The following PAM variants were observed in gnomAD, a reference collection of about 807,000 sequenced individuals.
PAM encodes peptidylglycine alpha-amidating monooxygenase, also known as peptidyl-glycine alpha-amidating monooxygenase.
PAM carries 72 observed loss-of-function variants against 122.1 expected under a neutral mutation model. The ratio of observed to expected loss-of-function variants is 0.59; its 90% CI spans 0.49 to 0.72. PAM has a LOEUF of 0.72. Ranked by LOEUF, PAM falls within the 30% of genes least tolerant of loss-of-function variation. The probability of loss-of-function intolerance (pLI) is 0.00; values close to 1 mark genes in which losing one functional copy is unlikely to be tolerated. For missense variants in PAM, 1,106 were observed against 1,183.7 expected (o/e 0.93, Z 0.96); for synonymous variants, 389 against 404.4 (o/e 0.96, Z 0.46).
intron 7 of PAM, among the ~76,000 whole-genome samples, chr5:102,945,442 C>A (rs1046594641): frequency 5.4e-5 from 8 of 148,272 alleles, no homozygotes; most frequent in African/African-American, 1.9e-4. Context: ...ATCTATAGTT[C>A]ATATAGCTTA....
intron 14 of PAM, 129 bp downstream of exon 14, chr5:102,961,358 T>G: frequency 1.7e-6 from 1 of 571,920 alleles, no homozygotes; most frequent in Non-Finnish European, 3.2e-6. Flanking sequence ...ATTGCTATTT[T>G]TATACAATGC....
At chr5:102,948,507 A>G (rs1464581672) in intron 9 of PAM, 62 bp downstream of exon 9, 2 of 781,738 alleles carry the variant, frequency 2.6e-6, no homozygotes, top group African/African-American at 1.8e-5. Context: ...AAATGGATTT[A>G]TACTGTATTT....
Position 102,821,703 on chromosome 5 carries a change from A to G in PAM, c.-373-44120A>G, listed in dbSNP as rs75781034. On this transcript the variant is annotated intron_variant, in intron 1 of 25. Transcript: ENST00000438793. ...CTGTTATAATTACCTTATTTTGCAA[A>G]TGAAGAAACTGCCTAAAATGACCCA... Among the ~76,000 whole-genome samples the G allele has an allele frequency of 5.1e-3, 782 of 152,310 alleles. 7 individuals are homozygous for G. Among genetic ancestry groups the G allele is most frequent in the African/African-American group, 0.017 (703 of 41,562 alleles).
rs772356278 is a variant in PAM at position 102,990,379 on chromosome 5, G to C, written c.1591G>C (p.Gly531Arg). The change falls in exon 16 of 26, where the codon GGT becomes CGT. Residue 531 changes from glycine (G) to arginine (R), a missense_variant. Gly to Arg is a moderately radical substitution (Grantham distance 125). Coordinates refer to ENST00000438793, the MANE Select transcript of PAM (RefSeq NM_001177306.2). Reference sequence around the variant, plus strand: ...GAATAACCTGGTGATTTTCCACAGAGGTGACCATGTCTGGGATGGAAAGTA... The same window carrying C: ...GAATAACCTGGTGATTTTCCACAGACGTGACCATGTCTGGGATGGAAAGTA... ...PKNNLVIFHRGDHVWDGNSFD... is the reference protein window; with the variant it reads ...PKNNLVIFHRRDHVWDGNSFD... 11 of 1,604,250 alleles carry C rather than the reference G, an allele frequency of 6.9e-6. No individual in the cohort carries two copies. The highest frequency in any genetic ancestry group is 6.0e-6 in the Non-Finnish European group (7 of 1,174,052).
At chr5:103,007,428 T>A in intron 19 of PAM, 29 bp from the exon 20 acceptor site, 5 of 1,592,140 alleles carry the variant, frequency 3.1e-6, no homozygotes, top group Non-Finnish European at 4.3e-6. Flanking sequence ...TTTAACATTG[T>A]GTATCTAAGG....
rs7708090 is a variant in PAM at position 103,021,559 on chromosome 5, G to A, written c.2485+1716G>A. ...GAGTCCAATTGGTCAGAAACCTTCC[G>A]ACTTTGTGGAAGTGGTTTGTGGTCA... is the stretch of plus-strand genomic sequence containing the variant. On this transcript the variant is annotated intron_variant, in intron 23 of 25. Transcript: ENST00000438793. Among the ~76,000 whole-genome samples, 643 of 152,204 alleles carry A rather than the reference G, an allele frequency of 4.2e-3. 7 individuals are homozygous for A. The highest frequency in any genetic ancestry group is 0.014 in the African/African-American group (565 of 41,540).
At chr5:102,784,244 G>T (rs1759888716) in intron 1 of PAM, among the ~76,000 whole-genome samples, 1 of 152,116 alleles carries the variant, frequency 6.6e-6, no homozygotes, top group Non-Finnish European at 1.5e-5. Flanking sequence ...TCTTCTCCCT[G>T]TGTAACCTCT....
intron 1 of PAM, among the ~76,000 whole-genome samples, chr5:102,820,237 G>A (rs1202725647): frequency 6.7e-6 from 1 of 149,754 alleles, no homozygotes; most frequent in Non-Finnish European, 1.5e-5. Flanking sequence ...TTTCAAATCA[G>A]GGTCCTGTGT....
chr5:102,971,059 G>C (rs769148643), intron 14 of PAM, among the ~76,000 whole-genome samples: 1 of 152,250 alleles, frequency 6.6e-6, no homozygotes, highest in Non-Finnish European at 1.5e-5. Context: ...CGCCCGCCTT[G>C]GCTTCCCAGT....
chr5:102,982,285 G>T (rs1050279297), intron 15 of PAM, among the ~76,000 whole-genome samples: 2 of 152,162 alleles, frequency 1.3e-5, no homozygotes, highest in Non-Finnish European at 2.9e-5. Context: ...ACCACTGCTG[G>T]TGTCCATGTG....
intron 3 of PAM, among the ~76,000 whole-genome samples, chr5:102,880,844 A>T (rs1790745496): frequency 6.6e-6 from 1 of 152,166 alleles, no homozygotes; most frequent in Non-Finnish European, 1.5e-5. Context: ...AAAATGGAAA[A>T]CATCAACAAA....
intron 1 of PAM, among the ~76,000 whole-genome samples, chr5:102,798,689 A>C (rs897684345): frequency 1.3e-5 from 2 of 152,214 alleles, no homozygotes; most frequent in Non-Finnish European, 2.9e-5. Flanking sequence ...GGCTCTTGCT[A>C]ATAAAAATTG....
Position 102,758,800 on chromosome 5 carries a change from C to T in PAM, c.-374+3452C>T, listed in dbSNP as rs372066439. On this transcript the variant is annotated intron_variant, in intron 1 of 25. Coordinates refer to ENST00000438793, the MANE Select transcript of PAM (RefSeq NM_001177306.2). ...CCAGTATACAGCTATTGCTCTATGACTCAAGTAGTTATTTTAGTTTCTCCA... is the reference window on the plus strand; with the variant it reads ...CCAGTATACAGCTATTGCTCTATGATTCAAGTAGTTATTTTAGTTTCTCCA... Among the ~76,000 whole-genome samples the T allele has an allele frequency of 7.9e-5, 12 of 152,226 alleles. 1 individual carries two copies. The East Asian group carries it at 2.1e-3, about 27-fold the overall frequency.
chr5:102,799,249 G>T (rs1437023130), intron 1 of PAM, among the ~76,000 whole-genome samples: 1 of 152,178 alleles, frequency 6.6e-6, no homozygotes, highest in Non-Finnish European at 1.5e-5. Flanking sequence ...AAAGAATAGT[G>T]CCTGGATGCT....
chr5:102,955,743 C>T (rs1050969799), intron 12 of PAM, among the ~76,000 whole-genome samples: 1 of 151,508 alleles, frequency 6.6e-6, no homozygotes, highest in African/African-American at 2.4e-5. Context: ...ACATAATCTC[C>T]CTTCCTACTT....
intron 1 of PAM, among the ~76,000 whole-genome samples, chr5:102,764,482 G>T (rs1753306051): frequency 6.6e-6 from 1 of 151,958 alleles, no homozygotes; most frequent in South Asian, 2.1e-4. Context: ...ACGAAGCAGC[G>T]GTAACAGGTA....
chr5:102,789,900 G>A (rs1444140800), intron 1 of PAM, among the ~76,000 whole-genome samples: 3 of 151,944 alleles, frequency 2.0e-5, no homozygotes, highest in Non-Finnish European at 4.4e-5. Flanking sequence ...CAAGACAAAT[G>A]TAAGGGTTAG....
intron 1 of PAM, among the ~76,000 whole-genome samples, chr5:102,790,753 A>G (rs1761840102): frequency 6.6e-6 from 1 of 152,052 alleles, no homozygotes; most frequent in Admixed American, 6.6e-5. Flanking sequence ...AAGTCACATA[A>G]TTTTATTTTT....
chr5:102,989,849 A>T (rs1773503546), intron 15 of PAM: 1 of 120,564 alleles, frequency 8.3e-6, no homozygotes, highest in Admixed American at 8.2e-5. Flanking sequence ...AGGGAAAAGG[A>T]CAGAGGAACA....
Sources: allele counts gnomAD v4.1 joint callset (sites outside exome capture counted in the v4.1 genomes callset), GRCh38; gene constraint gnomAD v4.1.1; transcripts MANE v1.5; gene names NCBI Gene and HGNC (gene_info 2026-07-23, HGNC 2026-07-21).